The following IPO11 variants were observed in gnomAD, a reference collection of about 807,000 sequenced individuals.
IPO11 encodes the protein importin 11.
IPO11 carries 66 observed loss-of-function variants against 143.2 expected under a neutral mutation model. That is an observed-to-expected ratio of 0.46 (90% CI 0.38 to 0.57). The LOEUF is 0.57. Ranked by LOEUF, IPO11 falls within the 20% of genes least tolerant of loss-of-function variation. IPO11 has a pLI of 0.00. For synonymous variants in IPO11, 385 were observed against 377.8 expected, an observed-to-expected ratio of 1.02 and a Z score of -0.22; for missense variants, 1,026 against 1,141.0, an observed-to-expected ratio of 0.90 and a Z score of 1.45.
chr5:62,455,101 A>C (rs777250075), intron 5 of IPO11, among the ~76,000 whole-genome samples: 1 of 152,226 alleles, frequency 6.6e-6, no homozygotes, highest in Non-Finnish European at 1.5e-5. Context: ...GGAAGACATC[A>C]TTATAAAGAG....
chr5:62,450,108 T>C, intron 4 of IPO11, 109 bp downstream of exon 4: 1 of 595,390 alleles, frequency 1.7e-6, no homozygotes, highest in Non-Finnish European at 2.8e-6. Context: ...ATTACACTAT[T>C]TTCATTTGTG....
intron 1 of IPO11, among the ~76,000 whole-genome samples, chr5:62,428,091 T>G (rs554837778): frequency 1.3e-5 from 2 of 152,386 alleles, no homozygotes; most frequent in South Asian, 4.1e-4. Flanking sequence ...CTAGTATCTT[T>G]GGAACCTTCT....
intron 3 of IPO11, among the ~76,000 whole-genome samples, chr5:62,445,721 T>C (rs556442645): frequency 3.9e-5 from 6 of 152,246 alleles, no homozygotes; most frequent in African/African-American, 1.2e-4. Flanking sequence ...GTTCTGAGCA[T>C]GTTTGAGGTA....
chr5:62,610,091 A>G (rs1254965263), intron 29 of IPO11, among the ~76,000 whole-genome samples: 1 of 152,206 alleles, frequency 6.6e-6, no homozygotes, highest in Admixed American at 6.5e-5. Context: ...CCTCTGGCCC[A>G]CCAAACCACA....
Position 62,525,546 on chromosome 5 carries a change from G to T in IPO11, c.1897-596G>T, listed in dbSNP as rs115044635. Among the ~76,000 whole-genome samples, 762 of 152,146 alleles carry T rather than the reference G, an allele frequency of 5.0e-3. 5 individuals are homozygous for T. The highest frequency in any genetic ancestry group is 0.017 in the African/African-American group (718 of 41,502). On this transcript the variant is annotated intron_variant, in intron 20 of 29. Transcript: ENST00000325324. The stretch of plus-strand genomic sequence containing the variant: ...CTCTAAGCAGGCACCACCATGCTTG[G>T]CTAACTTTTAAATGTTTTTCAAGAA...
rs1362849294 is a variant in IPO11, at chr5:62,580,226, G to C, written c.2583-11351G>C. 4 of 1,550,448 alleles carry C rather than the reference G, an allele frequency of 2.6e-6. No homozygotes were observed. Among genetic ancestry groups the C allele is most frequent in the African/African-American group, 2.7e-5 (2 of 73,064 alleles). On this transcript the variant is annotated intron_variant, in intron 27 of 29. Transcript: ENST00000325324. ...GAATACCTCCTCCTGAAAAATTCAA[G>C]AATTAGGAATGTTACTAGGGATGGG... is the stretch of plus-strand genomic sequence containing the variant.
intron 22 of IPO11, among the ~76,000 whole-genome samples, chr5:62,533,964 A>AAAAAAAAAG (rs56277060): frequency 9.4e-4 from 139 of 148,654 alleles, no homozygotes; most frequent in African/African-American, 3.3e-3. Context: ...AAAAAAAAAA[A>AAAAAAAAAG]AAAGAAAGCC....
At chr5:62,580,714 A>G in intron 27 of IPO11, 3 of 1,551,460 alleles carry the variant, frequency 1.9e-6, no homozygotes, top group South Asian at 1.2e-5. Flanking sequence ...TATTCATCAC[A>G]AGACTACTGC....
At chr5:62,428,471 G>A (rs570879015) in intron 1 of IPO11, among the ~76,000 whole-genome samples, 1 of 151,982 alleles carries the variant, frequency 6.6e-6, no homozygotes, top group East Asian at 1.9e-4. Flanking sequence ...AGCATCCTGA[G>A]TAGCTAGGAT....
At chr5:62,546,250 A>G (rs1402993623) in intron 24 of IPO11, among the ~76,000 whole-genome samples, 1 of 152,228 alleles carries the variant, frequency 6.6e-6, no homozygotes, top group African/African-American at 2.4e-5. Flanking sequence ...CATATACACC[A>G]TGGAATACTA....
intron 27 of IPO11, among the ~76,000 whole-genome samples, chr5:62,565,836 G>T (rs1178432756): frequency 6.6e-6 from 1 of 150,610 alleles, no homozygotes; most frequent in Admixed American, 6.6e-5. Context: ...GTGTCGGTGT[G>T]TTCTCATTGT....
chr5:62,485,490 T>G lies in IPO11; in HGVS notation c.1218+28T>G. The G allele has an allele frequency of 2.6e-6, 4 of 1,536,996 alleles. No homozygotes were observed. In the Admixed American group the frequency reaches 6.7e-5, roughly 26 times the overall value. ...AAGTATTAATTGCAAGAAAAATTGA[T>G]AGGGGAAAGCTTAATCTTTCTAAAG... On this transcript the variant is annotated intron_variant, in intron 12 of 29. Transcript: ENST00000325324.
chr5:62,429,366 A>G (rs1250279052), intron 1 of IPO11, among the ~76,000 whole-genome samples: 1 of 152,146 alleles, frequency 6.6e-6, no homozygotes, highest in Non-Finnish European at 1.5e-5. Flanking sequence ...TTTAGGTGAA[A>G]TAATACTTCA....
chr5:62,518,227 C>T (rs1469651160), intron 20 of IPO11, among the ~76,000 whole-genome samples: 5 of 151,100 alleles, frequency 3.3e-5, no homozygotes, highest in Admixed American at 2.6e-4. Context: ...GGGTGAATCA[C>T]GAGGTCAGGA....
intron 27 of IPO11, among the ~76,000 whole-genome samples, chr5:62,565,898 C>A (rs1055007722): frequency 6.6e-6 from 1 of 151,794 alleles, no homozygotes; most frequent in East Asian, 1.9e-4. Context: ...TCTGTTCCTG[C>A]GTTAATTGCT....
At chr5:62,541,969 T>C (rs1742964513) in intron 24 of IPO11, among the ~76,000 whole-genome samples, 1 of 152,202 alleles carries the variant, frequency 6.6e-6, no homozygotes, top group Admixed American at 6.5e-5. Context: ...TCCTATCTAC[T>C]TCAGAGACTG....
chr5:62,582,056 A>G (rs1744587583), intron 27 of IPO11, among the ~76,000 whole-genome samples: 1 of 152,188 alleles, frequency 6.6e-6, no homozygotes, highest in South Asian at 2.1e-4. Context: ...TAAAGCCCGA[A>G]AGAGAGATCA....
At position 62,550,356 on chromosome 5, in the gene IPO11, C is replaced by G; in HGVS notation, c.2251-11C>G. The G allele has an allele frequency of 6.3e-7, 1 of 1,590,946 alleles. No individual in the cohort carries two copies. Among genetic ancestry groups the G allele is most frequent in the Non-Finnish European group, 8.6e-7 (1 of 1,161,904 alleles). On this transcript the variant is annotated splice_polypyrimidine_tract_variant and intron_variant, in intron 24 of 29. Coordinates refer to ENST00000325324, the MANE Select transcript of IPO11 (RefSeq NM_016338.5). Reference sequence around the variant, plus strand: ...GCAGTATTATCACCAATCTTTCTTTCTGGTTTTTAGGTTGTGGAAAATGCC... The same window carrying G: ...GCAGTATTATCACCAATCTTTCTTTGTGGTTTTTAGGTTGTGGAAAATGCC...
At chr5:62,588,193 C>T (rs1164148266) in intron 27 of IPO11, among the ~76,000 whole-genome samples, 1 of 151,942 alleles carries the variant, frequency 6.6e-6, no homozygotes, top group Non-Finnish European at 1.5e-5. Context: ...ATTATAACTT[C>T]ACATTTTCCA....
Sources: gnomAD v4.1 joint callset for allele counts (sites outside exome capture counted in the v4.1 genomes callset) on GRCh38, gnomAD v4.1.1 for gene constraint, MANE v1.5 for transcripts, NCBI Gene and HGNC (gene_info 2026-07-23, HGNC 2026-07-21) for gene names.